The following C11orf97 variants were observed in gnomAD, a reference collection of about 807,000 sequenced individuals.
The protein encoded by C11orf97 is uncharacterized protein C11orf97.
In C11orf97, 15 loss-of-function variants were observed where a neutral mutation model predicts 16.2. The observed-to-expected ratio is 0.93, with a 90% CI of 0.62 to 1.43. C11orf97 has a LOEUF of 1.43. Among genes scored for constraint, C11orf97 ranks in the 40% most tolerant of loss-of-function variants. C11orf97 has a pLI of 0.00. For missense variants in C11orf97, 171 were observed against 161.2 expected (o/e 1.06, Z -0.33); for synonymous variants, 61 against 65.7 (o/e 0.93, Z 0.34).
intron 3 of C11orf97, among the ~76,000 whole-genome samples, chr11:94,530,029 A>C (rs1947726601): frequency 1.3e-5 from 2 of 152,222 alleles, no homozygotes; most frequent in South Asian, 4.1e-4. Flanking sequence ...ATATTATGAG[A>C]CTGATTGAAT....
Position 94,517,574 on chromosome 11 carries a change from C to G in C11orf97, c.146-9C>G. The G allele has an allele frequency of 6.7e-7, 1 of 1,483,932 alleles. No homozygotes were observed. Among genetic ancestry groups the G allele is most frequent in the Non-Finnish European group, 9.0e-7 (1 of 1,107,504 alleles). The allele number at this position is 1,483,932 out of a possible 1,614,324, so 91.9% of individuals were successfully genotyped here. ...TACTAAGTAATTGATTTTGTTAATG[C>G]CTTTATAGGGAAGAAATTTTTATAT... On this transcript the variant is annotated splice_polypyrimidine_tract_variant and intron_variant, in intron 1 of 3. Coordinates refer to ENST00000542198, the MANE Select transcript of C11orf97 (RefSeq NM_001190462.2).
At chr11:94,518,816 A>G (rs1947634272) in intron 2 of C11orf97, among the ~76,000 whole-genome samples, 1 of 152,196 alleles carries the variant, frequency 6.6e-6, no homozygotes, top group Admixed American at 6.5e-5. Flanking sequence ...TCAACCTGCA[A>G]GTGAGGTCCA....
chr11:94,522,893 G>T (rs1947670041), intron 2 of C11orf97, among the ~76,000 whole-genome samples: 2 of 152,144 alleles, frequency 1.3e-5, no homozygotes, highest in South Asian at 4.1e-4. Context: ...GGAGCACGGA[G>T]GATAAAGGTT....
chr11:94,515,144 G>T (rs943558759), intron 1 of C11orf97, among the ~76,000 whole-genome samples: 1 of 152,146 alleles, frequency 6.6e-6, no homozygotes, highest in Non-Finnish European at 1.5e-5. Flanking sequence ...GACTCAGGTA[G>T]GTGTGGCTTC....
chr11:94,530,467 A>G (rs1947731109), intron 3 of C11orf97, among the ~76,000 whole-genome samples: 1 of 152,240 alleles, frequency 6.6e-6, no homozygotes, highest in Non-Finnish European at 1.5e-5. Flanking sequence ...TAGGCACAGA[A>G]ATATCATAGA....
Position 94,525,271 on chromosome 11 carries a change from G to A in C11orf97, c.251-2813G>A, listed in dbSNP as rs114247517. 9.4e-3 allele frequency among the ~76,000 whole-genome samples: 1,430 copies of A among 152,170 alleles called. 25 individuals carry two copies. Among genetic ancestry groups the A allele is most frequent in the African/African-American group, 0.033 (1,377 of 41,512 alleles). On this transcript the variant is annotated intron_variant, in intron 2 of 3. Coordinates refer to ENST00000542198, the MANE Select transcript of C11orf97 (RefSeq NM_001190462.2). ...TATTTTTCTGGCTAAAACCTACAGA[G>A]GTTATAGTAGTCATGAAAAATTTGA...
rs939106133 is a variant in C11orf97 at position 94,531,910 on chromosome 11, G to A, written c.*10G>A. The A allele has an allele frequency of 7.5e-6, 11 of 1,463,966 alleles. No homozygotes were observed. The East Asian group carries it at 1.0e-4, about 14-fold the overall frequency. 90.7% of individuals were successfully genotyped at this position (1,463,966 alleles called of 1,614,324 possible). A position where few individuals can be genotyped will look rare whatever the true frequency, so the allele number is the denominator to read the frequency against. On this transcript the variant is annotated 3_prime_UTR_variant, in exon 4 of 4. Transcript: ENST00000542198. ...TTTAACTCTAGGATAAGATGAATTA[G>A]ATTTTCCATTAAGAAGGAACCTCTT...
intron 2 of C11orf97, among the ~76,000 whole-genome samples, chr11:94,523,745 A>G (rs1947677687): frequency 1.3e-5 from 2 of 152,362 alleles, no homozygotes; most frequent in South Asian, 2.1e-4. Flanking sequence ...CGTTGGTTGC[A>G]TAGCTAGCGG....
At chr11:94,530,951 C>A (rs1947733599) in intron 3 of C11orf97, among the ~76,000 whole-genome samples, 1 of 152,228 alleles carries the variant, frequency 6.6e-6, no homozygotes, top group Admixed American at 6.5e-5. Flanking sequence ...TTAGATACTT[C>A]AGTCAAATCC....
intron 2 of C11orf97, among the ~76,000 whole-genome samples, chr11:94,520,672 C>G (rs959799354): frequency 2.1e-4 from 32 of 152,140 alleles, no homozygotes; most frequent in African/African-American, 7.5e-4. Context: ...GAAGTCAAGT[C>G]CTCAAACTCC....
intron 1 of C11orf97, among the ~76,000 whole-genome samples, chr11:94,515,851 T>C (rs1429689640): frequency 6.6e-6 from 1 of 152,174 alleles, no homozygotes; most frequent in Admixed American, 6.5e-5. Flanking sequence ...TGATTTCTTC[T>C]GTGCATTTTC....
At chr11:94,514,253 A>T (rs80328892) in intron 1 of C11orf97, among the ~76,000 whole-genome samples, 1 of 151,398 alleles carries the variant, frequency 6.6e-6, no homozygotes, top group South Asian at 2.1e-4. Flanking sequence ...CATGCTAGGC[A>T]TTCCACAAGT....
intron 3 of C11orf97, among the ~76,000 whole-genome samples, chr11:94,531,162 G>A (rs1947735342): frequency 6.6e-6 from 1 of 152,156 alleles, no homozygotes; most frequent in Non-Finnish European, 1.5e-5. Flanking sequence ...ACACTAAGAG[G>A]TTTTATTCAT....
chr11:94,523,602 T>A (rs35820823), intron 2 of C11orf97, among the ~76,000 whole-genome samples: 4,432 of 152,334 alleles, frequency 0.029, 148 homozygotes, highest in African/African-American at 0.079. Flanking sequence ...GGAAGTACCC[T>A]GAAGCTGTGG....
chr11:94,531,526 C>CAAA (rs35270400), intron 3 of C11orf97, among the ~76,000 whole-genome samples: 11 of 92,050 alleles, frequency 1.2e-4, no homozygotes, highest in Non-Finnish European at 1.7e-4. Context: ...CAAAACAAGC[C>CAAA]AAAAAAAAAA....
chr11:94,518,954 G>A (rs1947636100), intron 2 of C11orf97, among the ~76,000 whole-genome samples: 1 of 151,682 alleles, frequency 6.6e-6, no homozygotes, highest in Admixed American at 6.6e-5. Flanking sequence ...TGTCACCCAG[G>A]CTGGAGTGCA....
At chr11:94,526,528 T>C (rs532438406) in intron 2 of C11orf97, among the ~76,000 whole-genome samples, 1 of 152,318 alleles carries the variant, frequency 6.6e-6, no homozygotes, top group East Asian at 1.9e-4. Flanking sequence ...CCTGATTTTA[T>C]ACTGCTTTCC....
At position 94,512,477 on chromosome 11, in the gene C11orf97, G is replaced by T; in HGVS notation, c.-52G>T. On this transcript the variant is annotated 5_prime_UTR_variant, in exon 1 of 4. Coordinates refer to ENST00000542198, the MANE Select transcript of C11orf97 (RefSeq NM_001190462.2). The stretch of plus-strand genomic sequence containing the variant: ...ACGCCTCGCATGCTGGGCTGCCTGC[G>T]ACTGAGCTGAGAAGGAAACCGTGCC... 1 of 1,259,916 alleles carries T rather than the reference G, an allele frequency of 7.9e-7. No homozygotes were observed. Among genetic ancestry groups the T allele is most frequent in the African/African-American group, 1.5e-5 (1 of 64,652 alleles). 78.0% of individuals were successfully genotyped at this position (1,259,916 alleles called of 1,614,324 possible).
At chr11:94,517,749 C>CA in intron 2 of C11orf97, 62 bp downstream of exon 2, 1 of 1,115,350 alleles carries the variant, frequency 9.0e-7, no homozygotes, top group Non-Finnish European at 1.2e-6. Flanking sequence ...TACTTGATGA[C>CA]AGAGTATTTT....
Sources: allele counts gnomAD v4.1 joint callset (sites outside exome capture counted in the v4.1 genomes callset), GRCh38; gene constraint gnomAD v4.1.1; transcripts MANE v1.5; gene names NCBI Gene and HGNC (gene_info 2026-07-23, HGNC 2026-07-21).